The following STAM variants were observed in gnomAD, a reference collection of about 807,000 sequenced individuals.
STAM encodes signal transducing adaptor molecule.
STAM carries 16 observed loss-of-function variants against 63.4 expected under a neutral mutation model. The ratio of observed to expected loss-of-function variants is 0.25; its 90% CI spans 0.17 to 0.38. The LOEUF is 0.38. Ranked by LOEUF, STAM falls within the 10% of genes least tolerant of loss-of-function variation. The pLI is 1.00. For missense variants in STAM, 636 were observed against 657.1 expected (o/e 0.97, Z 0.35); for synonymous variants, 238 against 223.9 (o/e 1.06, Z -0.56).
At chr10:17,697,773 A>G (rs1835824712) in intron 8 of STAM, among the ~76,000 whole-genome samples, 2 of 152,188 alleles carry the variant, frequency 1.3e-5, no homozygotes, top group Non-Finnish European at 2.9e-5. Context: ...TATTTGTAAT[A>G]AAATATTTAA....
chr10:17,678,750 C>T lies in STAM; in HGVS notation c.126-5925C>T, dbSNP rs116205402. Among the ~76,000 whole-genome samples the T allele has an allele frequency of 5.3e-3, 807 of 152,264 alleles. 13 individuals are homozygous for T. The highest frequency in any genetic ancestry group is 0.019 in the African/African-American group (778 of 41,544). The stretch of plus-strand genomic sequence containing the variant: ...TTTTCAGAACTTTTTCATCATCCCA[C>T]GTAGAAACTCTACACCTTTGAAATA... On this transcript the variant is annotated intron_variant, in intron 2 of 13. Coordinates refer to ENST00000377524, the MANE Select transcript of STAM (RefSeq NM_003473.4).
At chr10:17,677,554 T>C (rs185266471) in intron 2 of STAM, among the ~76,000 whole-genome samples, 1 of 152,294 alleles carries the variant, frequency 6.6e-6, no homozygotes, top group Admixed American at 6.5e-5. Context: ...GCTCCTAAAA[T>C]AAGTCCAACT....
chr10:17,644,388 T>G lies in STAM; in HGVS notation c.40+9T>G, dbSNP rs1554820532. 1 of 1,613,986 alleles carries G rather than the reference T, an allele frequency of 6.2e-7. No individual in the cohort carries two copies. On this transcript the variant is annotated intron_variant, in intron 1 of 13. Coordinates refer to ENST00000377524, the MANE Select transcript of STAM (RefSeq NM_003473.4). ...CTTCGATCAGGATGTTGGTAAGTGT[T>G]TTTGCCTCTCCCTGCCCATTCCTCA...
chr10:17,695,011 A>G (rs782351901), intron 6 of STAM, 38 bp from the exon 7 acceptor site: 7 of 1,591,268 alleles, frequency 4.4e-6, no homozygotes, highest in Admixed American at 3.5e-5. Context: ...GTTGGATATA[A>G]TAACATTTTG....
At chr10:17,694,587 A>G (rs1282961850) in intron 6 of STAM, among the ~76,000 whole-genome samples, 3 of 152,148 alleles carry the variant, frequency 2.0e-5, no homozygotes, top group African/African-American at 7.2e-5. Flanking sequence ...GAGTCTTTAG[A>G]CTGGTAAGAA....
chr10:17,707,507 G>C (rs1240978667), intron 12 of STAM, among the ~76,000 whole-genome samples: 1 of 152,062 alleles, frequency 6.6e-6, no homozygotes, highest in Non-Finnish European at 1.5e-5. Flanking sequence ...TCAGATTAAC[G>C]TTTAGCAGAA....
intron 3 of STAM, 26 bp downstream of exon 3, chr10:17,684,776 C>G (rs1835226879): frequency 6.2e-7 from 1 of 1,613,278 alleles, no homozygotes; most frequent in African/African-American, 1.3e-5. Context: ...TTAATCTGTA[C>G]CACGAAATTA....
chr10:17,659,130 A>G (rs1323900041), intron 1 of STAM, among the ~76,000 whole-genome samples: 7 of 151,252 alleles, frequency 4.6e-5, no homozygotes, highest in Admixed American at 2.6e-4. Flanking sequence ...TTTTTTAGTA[A>G]TTGCCTAAGA....
At chr10:17,709,894 C>T (rs770470301) in intron 13 of STAM, among the ~76,000 whole-genome samples, 5 of 148,888 alleles carry the variant, frequency 3.4e-5, no homozygotes, top group Admixed American at 6.9e-5. Context: ...GCCCACATGT[C>T]AGAAAACAGG....
intron 1 of STAM, among the ~76,000 whole-genome samples, chr10:17,660,049 C>CA (rs57550622): frequency 0.028 from 4,090 of 148,708 alleles, 66 homozygotes; most frequent in East Asian, 0.098. Flanking sequence ...TCCATATTAT[C>CA]AAAAAAAAAA....
intron 13 of STAM, among the ~76,000 whole-genome samples, chr10:17,713,587 C>A (rs1836659964): frequency 6.6e-6 from 1 of 151,730 alleles, no homozygotes; most frequent in Non-Finnish European, 1.5e-5. Flanking sequence ...GTTATTTCTA[C>A]CAGTTTTTAG....
At chr10:17,648,060 G>A (rs1460039821) in intron 1 of STAM, among the ~76,000 whole-genome samples, 3 of 152,164 alleles carry the variant, frequency 2.0e-5, no homozygotes, top group African/African-American at 7.2e-5. Context: ...CAATGTCTAG[G>A]AGTATCACTG....
chr10:17,668,583 A>C (rs1272680360), intron 2 of STAM, among the ~76,000 whole-genome samples: 1 of 152,182 alleles, frequency 6.6e-6, no homozygotes, highest in African/African-American at 2.4e-5. Flanking sequence ...GAATAGTTTT[A>C]TCACCTTAAA....
At chr10:17,684,802 C>G in intron 3 of STAM, 30 bp from the exon 4 acceptor site, 1 of 1,612,978 alleles carries the variant, frequency 6.2e-7, no homozygotes, top group Non-Finnish European at 8.5e-7. Context: ...CACAATTGAG[C>G]CCCTTTAACT....
Position 17,660,553 on chromosome 10 carries a change from G to A in STAM, c.125+5G>A. Reference sequence around the variant, plus strand: ...AGTTGGTCAGTCTCGCACTGGGTAAGTATTTAGCGTTTCAAAGGATTTTTA... The same window carrying A: ...AGTTGGTCAGTCTCGCACTGGGTAAATATTTAGCGTTTCAAAGGATTTTTA... On this transcript the variant is annotated splice_donor_5th_base_variant and intron_variant, in intron 2 of 13. Transcript: ENST00000377524. 1 of 1,578,748 alleles carries A rather than the reference G, an allele frequency of 6.3e-7. No homozygotes were observed. Among genetic ancestry groups the A allele is most frequent in the Non-Finnish European group, 8.6e-7 (1 of 1,162,130 alleles).
At chr10:17,657,850 T>TC (rs372521273) in intron 1 of STAM, among the ~76,000 whole-genome samples, 1 of 113,194 alleles carries the variant, frequency 8.8e-6, no homozygotes, top group Non-Finnish European at 1.9e-5. Context: ...TTTCTCTCTC[T>TC]TTTTTTTTTT....
chr10:17,712,838 A>G (rs1304850647), intron 13 of STAM, among the ~76,000 whole-genome samples: 1 of 152,018 alleles, frequency 6.6e-6, no homozygotes, highest in African/African-American at 2.4e-5. Flanking sequence ...AAGTGCAGGG[A>G]CTTGAGATGG....
intron 13 of STAM, among the ~76,000 whole-genome samples, chr10:17,713,321 G>A (rs1455115329): frequency 1.3e-5 from 2 of 152,196 alleles, no homozygotes; most frequent in African/African-American, 4.8e-5. Context: ...CCGTGGATCT[G>A]CCGAGGATTC....
intron 2 of STAM, among the ~76,000 whole-genome samples, chr10:17,676,046 C>T (rs1309040907): frequency 1.3e-5 from 2 of 152,034 alleles, no homozygotes; most frequent in African/African-American, 4.8e-5. Flanking sequence ...AAAAAAAAAT[C>T]TGTCCTTTGC....
Sources: allele counts gnomAD v4.1 joint callset (sites outside exome capture counted in the v4.1 genomes callset), GRCh38; gene constraint gnomAD v4.1.1; transcripts MANE v1.5; gene names NCBI Gene and HGNC (gene_info 2026-07-23, HGNC 2026-07-21).